The following RAD51B variants were observed in gnomAD, a reference collection of about 807,000 sequenced individuals.
The protein encoded by RAD51B is RAD51 paralog B.
A neutral mutation model predicts 42.2 loss-of-function variants in RAD51B; 38 were observed. The observed-to-expected ratio is 0.90, with a 90% CI of 0.70 to 1.18. The LOEUF (loss-of-function observed/expected upper bound fraction) is 1.18. Ranked by LOEUF, RAD51B falls within the 50% of genes most tolerant of loss-of-function variation. RAD51B has a pLI of 0.00. For synonymous variants in RAD51B, 154 were observed against 145.2 expected (o/e 1.06, Z -0.43); for missense variants, 373 against 400.7 (o/e 0.93, Z 0.59).
At chr14:68,623,984 G>A (rs1298301764) in intron 10 of RAD51B, among the ~76,000 whole-genome samples, 1 of 152,192 alleles carries the variant, frequency 6.6e-6, no homozygotes, top group Non-Finnish European at 1.5e-5. Context: ...CCAAACACTG[G>A]GCTCTAGCTT....
intron 7 of RAD51B, among the ~76,000 whole-genome samples, chr14:68,053,003 T>C (rs1195139882): frequency 1.3e-5 from 2 of 152,168 alleles, no homozygotes; most frequent in Non-Finnish European, 2.9e-5. Context: ...CACCCATTAG[T>C]TTTACAGGTA....
intron 10 of RAD51B, among the ~76,000 whole-genome samples, chr14:68,513,976 A>G (rs1158846804): frequency 2.0e-5 from 3 of 152,188 alleles, no homozygotes; most frequent in African/African-American, 7.2e-5. Flanking sequence ...AAAGGAAGCA[A>G]TCCACGAGAA....
At chr14:67,847,176 A>C (rs1179020715) in intron 4 of RAD51B, among the ~76,000 whole-genome samples, 1 of 151,984 alleles carries the variant, frequency 6.6e-6, no homozygotes, top group African/African-American at 2.4e-5. Context: ...TTCCCTCCAA[A>C]GATCTCAGAA....
intron 7 of RAD51B, among the ~76,000 whole-genome samples, chr14:68,196,472 A>C (rs553619347): frequency 1.3e-5 from 2 of 152,046 alleles, no homozygotes; most frequent in East Asian, 3.9e-4. Flanking sequence ...ACTTCTCCAC[A>C]TCTTCACACA....
intron 7 of RAD51B, among the ~76,000 whole-genome samples, chr14:67,970,668 C>T (rs1380800768): frequency 6.6e-6 from 1 of 152,036 alleles, no homozygotes; most frequent in African/African-American, 2.4e-5. Flanking sequence ...ATTCTAAATT[C>T]CACTTCTCAC....
At chr14:68,407,524 A>G (rs1291389784) in intron 8 of RAD51B, among the ~76,000 whole-genome samples, 1 of 152,212 alleles carries the variant, frequency 6.6e-6, no homozygotes, top group Non-Finnish European at 1.5e-5. Flanking sequence ...CTGCATGATA[A>G]TGTTATGGGG....
chr14:67,829,555 T>G (rs941516878), intron 3 of RAD51B, among the ~76,000 whole-genome samples: 1 of 145,674 alleles, frequency 6.9e-6, no homozygotes, highest in African/African-American at 2.6e-5. Flanking sequence ...TATTTTATTT[T>G]CTTTGTAGCA....
At chr14:68,464,559 A>G (rs2085926353) in intron 9 of RAD51B, among the ~76,000 whole-genome samples, 1 of 152,250 alleles carries the variant, frequency 6.6e-6, no homozygotes, top group Admixed American at 6.5e-5. Context: ...AGACCAAGCT[A>G]GAATTCTGTA....
intron 9 of RAD51B, chr14:68,421,669 T>C: frequency 5.2e-6 from 8 of 1,525,662 alleles, no homozygotes; most frequent in Non-Finnish European, 7.2e-6. Flanking sequence ...AGGAATGGTC[T>C]GGTGGTTAAG....
intron 9 of RAD51B, among the ~76,000 whole-genome samples, chr14:68,455,221 A>T (rs766086982): frequency 3.9e-5 from 6 of 152,234 alleles, no homozygotes; most frequent in Admixed American, 6.5e-5. Context: ...ATTGAATAAC[A>T]TATTCAAACT....
intron 7 of RAD51B, among the ~76,000 whole-genome samples, chr14:68,242,088 A>G (rs555342095): frequency 4.6e-5 from 7 of 152,216 alleles, no homozygotes; most frequent in African/African-American, 1.7e-4. Flanking sequence ...CTTCCAGGCT[A>G]CTCCACACTA....
chr14:68,597,134 T>G (rs1364064260), downstream of RAD51B, among the ~76,000 whole-genome samples: 1 of 152,192 alleles, frequency 6.6e-6, no homozygotes, highest in African/African-American at 2.4e-5. Flanking sequence ...TTCCTGGAAT[T>G]TTTTACTCCT....
At chr14:68,026,858 A>C (rs1349459934) in intron 7 of RAD51B, among the ~76,000 whole-genome samples, 1 of 152,112 alleles carries the variant, frequency 6.6e-6, no homozygotes, top group Non-Finnish European at 1.5e-5. Context: ...TAGTATTGAT[A>C]TGTGAGATTT....
At chr14:68,248,486 T>A (rs1402100757) in intron 7 of RAD51B, among the ~76,000 whole-genome samples, 9 of 151,844 alleles carry the variant, frequency 5.9e-5, no homozygotes, top group Non-Finnish European at 1.0e-4. Context: ...AAAAAAAAAA[T>A]GCAGTTTAGT....
intron 10 of RAD51B, among the ~76,000 whole-genome samples, chr14:68,602,567 T>C (rs1348888062): frequency 1.3e-5 from 2 of 152,094 alleles, no homozygotes; most frequent in Non-Finnish European, 2.9e-5. Flanking sequence ...TAGGTTGATA[T>C]TAGATGATAG....
At chr14:67,909,734 C>T (rs138760347) in intron 7 of RAD51B, among the ~76,000 whole-genome samples, 14 of 152,246 alleles carry the variant, frequency 9.2e-5, no homozygotes, top group South Asian at 2.1e-4. Context: ...GCTGGAGTAG[C>T]GTAGCACGAA....
At chr14:67,851,576 C>T (rs2041808928) in intron 4 of RAD51B, among the ~76,000 whole-genome samples, 1 of 152,018 alleles carries the variant, frequency 6.6e-6, no homozygotes, top group Non-Finnish European at 1.5e-5. Flanking sequence ...ACTGGAGTTT[C>T]TCTCCCCAGC....
chr14:68,102,191 T>G (rs1327097527), intron 7 of RAD51B, among the ~76,000 whole-genome samples: 1 of 152,202 alleles, frequency 6.6e-6, no homozygotes, highest in Non-Finnish European at 1.5e-5. Context: ...CCTAGGCCTC[T>G]GGGCCTGTGA....
chr14:68,231,133 A>G (rs2080141585), intron 7 of RAD51B, among the ~76,000 whole-genome samples: 1 of 152,218 alleles, frequency 6.6e-6, no homozygotes, highest in Non-Finnish European at 1.5e-5. Context: ...TTTTAATAAC[A>G]AAGGGGATTT....
Sources: allele counts gnomAD v4.1 joint callset (sites outside exome capture counted in the v4.1 genomes callset), GRCh38; gene constraint gnomAD v4.1.1; transcripts MANE v1.5; gene names NCBI Gene and HGNC (gene_info 2026-07-23, HGNC 2026-07-21).